The following MIPOL1 variants were observed in gnomAD, a reference collection of about 807,000 sequenced individuals.
MIPOL1 encodes the protein mirror-image polydactyly 1.
A neutral mutation model predicts 60.9 loss-of-function variants in MIPOL1; 57 were observed. That is an observed-to-expected ratio of 0.94 (90% CI 0.76 to 1.17). The LOEUF (loss-of-function observed/expected upper bound fraction) is 1.17. Ranked by LOEUF, MIPOL1 falls within the 50% of genes most tolerant of loss-of-function variation. The pLI is 0.00. For synonymous variants in MIPOL1, 179 were observed against 168.8 expected, an observed-to-expected ratio of 1.06 and a Z score of -0.47; for missense variants, 551 against 511.6, an observed-to-expected ratio of 1.08 and a Z score of -0.74.
intron 9 of MIPOL1, among the ~76,000 whole-genome samples, chr14:37,355,786 G>A (rs1383384644): frequency 1.3e-5 from 2 of 150,124 alleles, no homozygotes; most frequent in African/African-American, 4.9e-5. Flanking sequence ...CTCTGTATTG[G>A]GTATTCTAGT....
intron 1 of MIPOL1, among the ~76,000 whole-genome samples, chr14:37,231,754 A>T (rs11626093): frequency 6.6e-6 from 1 of 152,254 alleles, no homozygotes; most frequent in African/African-American, 2.4e-5. Context: ...CTAAAAAAAA[A>T]TTACTATCAA....
chr14:37,246,383 A>G (rs1973205726), intron 1 of MIPOL1, among the ~76,000 whole-genome samples: 1 of 152,136 alleles, frequency 6.6e-6, no homozygotes, highest in East Asian at 1.9e-4. Flanking sequence ...GTGTCCATAA[A>G]TTATCATAAT....
At chr14:37,221,270 C>T (rs1371177454) in intron 1 of MIPOL1, among the ~76,000 whole-genome samples, 1 of 152,116 alleles carries the variant, frequency 6.6e-6, no homozygotes, top group African/African-American at 2.4e-5. Flanking sequence ...TGGCAAGGGC[C>T]TTTGTGCTTG....
intron 7 of MIPOL1, among the ~76,000 whole-genome samples, chr14:37,298,276 C>T (rs1031217223): frequency 6.6e-6 from 1 of 152,140 alleles, no homozygotes; most frequent in South Asian, 2.1e-4. Flanking sequence ...GGATCCCTTC[C>T]TTACACCTTA....
intron 3 of MIPOL1, among the ~76,000 whole-genome samples, chr14:37,259,575 A>G (rs1013213219): frequency 6.6e-6 from 1 of 151,906 alleles, no homozygotes; most frequent in African/African-American, 2.4e-5. Flanking sequence ...TTAAAAAAAA[A>G]CAAAAAAAAC....
rs991293502 is a variant in MIPOL1, at chr14:37,499,946, A to T, written c.1070A>T (p.Asp357Val). The change falls in exon 12 of 13, where the codon GAT becomes GTT. Residue 357 changes from aspartate to valine, a missense_variant. Transcript: ENST00000684589. ...KSLSQEENLK[D>V]QFNYTLSTYE... is the part of the protein sequence containing the mutation. ...TTATCTCAAGAAGAAAATCTGAAGG[A>T]TCAGTTTAACTATACCCTTAGTACA... is the stretch of plus-strand genomic sequence containing the variant. The T allele has an allele frequency of 3.1e-6, 5 of 1,596,860 alleles. No homozygotes were observed. Among genetic ancestry groups the T allele is most frequent in the Non-Finnish European group, 4.3e-6 (5 of 1,171,308 alleles).
intron 1 of MIPOL1, among the ~76,000 whole-genome samples, chr14:37,199,650 G>A (rs913858378): frequency 1.3e-5 from 2 of 151,676 alleles, no homozygotes; most frequent in East Asian, 1.9e-4. Flanking sequence ...TCAGCCTCCC[G>A]AGTAGCTGGG....
chr14:37,206,269 G>A (rs1966077946), intron 1 of MIPOL1, among the ~76,000 whole-genome samples: 1 of 152,206 alleles, frequency 6.6e-6, no homozygotes, highest in African/African-American at 2.4e-5. Flanking sequence ...TTGGCTGAAA[G>A]GGGCCAATGT....
chr14:37,542,803 C>T (rs529519428), intron 12 of MIPOL1, among the ~76,000 whole-genome samples: 1 of 152,294 alleles, frequency 6.6e-6, no homozygotes, highest in African/African-American at 2.4e-5. Flanking sequence ...ATGTCCTGTT[C>T]TTTGAATAAT....
chr14:37,200,733 A>C (rs1336003716), intron 1 of MIPOL1, among the ~76,000 whole-genome samples: 1 of 148,222 alleles, frequency 6.7e-6, no homozygotes, highest in Admixed American at 6.8e-5. Context: ...ATAGCGTACT[A>C]ACCCCTGCTC....
chr14:37,546,357 C>T (rs74045660), intron 12 of MIPOL1, among the ~76,000 whole-genome samples: 4,498 of 152,002 alleles, frequency 0.03, 207 homozygotes, highest in African/African-American at 0.1. Context: ...AAATTATTTC[C>T]ATGCTACTGT....
chr14:37,278,600 T>G (rs2083854420), intron 6 of MIPOL1: 1 of 151,848 alleles, frequency 6.6e-6, no homozygotes. Context: ...GATTTCTTTT[T>G]CCTTCTTTTT....
At chr14:37,198,580 A>T (rs556305696) in intron 1 of MIPOL1, among the ~76,000 whole-genome samples, 1 of 147,804 alleles carries the variant, frequency 6.8e-6, no homozygotes, top group African/African-American at 2.5e-5. Context: ...TACTGTTAGA[A>T]TTTTTTTTTT....
At chr14:37,271,208 A>T (rs1348601053) in intron 6 of MIPOL1, among the ~76,000 whole-genome samples, 1 of 152,056 alleles carries the variant, frequency 6.6e-6, no homozygotes, top group Non-Finnish European at 1.5e-5. Flanking sequence ...CCATCTGTGT[A>T]TGCCACTGTG....
At chr14:37,277,581 G>A (rs966021488) in intron 6 of MIPOL1, 11 of 151,046 alleles carry the variant, frequency 7.3e-5, no homozygotes, top group African/African-American at 2.7e-4. Context: ...TTTAAAAAAT[G>A]CTTTTGATTC....
At chr14:37,480,473 GA>G (rs2094845447) in intron 11 of MIPOL1, among the ~76,000 whole-genome samples, 1 of 148,750 alleles carries the variant, frequency 6.7e-6, no homozygotes, top group Non-Finnish European at 1.5e-5. Context: ...ATTAGATGCA[GA>G]AAAAAACATT....
intron 3 of MIPOL1, among the ~76,000 whole-genome samples, chr14:37,261,611 G>T (rs2082524474): frequency 2.0e-5 from 3 of 152,108 alleles, no homozygotes; most frequent in Admixed American, 6.6e-5. Flanking sequence ...AGATGGTGAT[G>T]TTATCTCACA....
At chr14:37,287,435 G>A (rs1051393028) in intron 7 of MIPOL1, among the ~76,000 whole-genome samples, 1 of 151,934 alleles carries the variant, frequency 6.6e-6, no homozygotes, top group Admixed American at 6.5e-5. Context: ...AAAGTTTTTT[G>A]TAGAGGTGGG....
chr14:37,237,212 AGAG>A (rs1971621992), intron 1 of MIPOL1, among the ~76,000 whole-genome samples: 2 of 152,226 alleles, frequency 1.3e-5, no homozygotes, highest in East Asian at 3.9e-4. Context: ...TAGGTGAAAC[AGAG>A]GAGTGCCTTG....
Sources: allele counts gnomAD v4.1 joint callset (sites outside exome capture counted in the v4.1 genomes callset), GRCh38; gene constraint gnomAD v4.1.1; transcripts MANE v1.5; gene names NCBI Gene and HGNC (gene_info 2026-07-23, HGNC 2026-07-21).